Variants in KLRC2 observed in about 807,000 individuals in gnomAD.
KLRC2 encodes the protein NKG2-C type II integral membrane protein.
In KLRC2, 10 loss-of-function variants were observed where a neutral mutation model predicts 25.5. That is an observed-to-expected ratio of 0.39 (90% confidence interval 0.24 to 0.67). KLRC2 has a LOEUF of 0.67. Ranked by LOEUF, KLRC2 falls within the 30% of genes least tolerant of loss-of-function variation. The pLI is 0.45. For synonymous variants in KLRC2, 48 were observed against 93.3 expected (o/e 0.51, Z 2.80); for missense variants, 170 against 272.8 (o/e 0.62, Z 2.65).
chr12:10,431,074 T>A lies in KLRC2; in HGVS notation c.*43A>T, dbSNP rs1271629533. 7.7e-7 allele frequency: 1 copy of A among 1,301,080 alleles called. No individual in the cohort carries two copies. The highest frequency in any genetic ancestry group is 1.3e-5 in the South Asian group (1 of 78,058). 80.6% of individuals were successfully genotyped at this position (1,301,080 alleles called of 1,614,324 possible). On this transcript the variant is annotated 3_prime_UTR_variant, in exon 6 of 6. Coordinates refer to ENST00000381902, the MANE Select transcript of KLRC2 (RefSeq NM_002260.4). ...ATCATAATATTTCTATTTTAAGAAA[T>A]ATAAAATGTATCTGATGCACTGCAA...
At position 10,434,025 on chromosome 12, in the gene KLRC2, A is replaced by T. The variant is rs1366209905; in HGVS notation, c.332-83T>A. On this transcript the variant is annotated intron_variant, in intron 3 of 5. Transcript: ENST00000381902. Reference sequence around the variant, plus strand: ...GTTCACATATTTCAACAGTATAAACATATATGTGCTTAACATATTTACGCA... The same window carrying T: ...GTTCACATATTTCAACAGTATAAACTTATATGTGCTTAACATATTTACGCA... 4.5e-5 allele frequency: 67 copies of T among 1,477,414 alleles called. 12 individuals are homozygous for T. Among genetic ancestry groups the T allele is most frequent in the Non-Finnish European group, 6.1e-5 (67 of 1,096,340 alleles). 91.5% of individuals were successfully genotyped at this position (1,477,414 alleles called of 1,614,324 possible).
At chr12:10,433,624 T>A (rs1247111974) in intron 4 of KLRC2, among the ~76,000 whole-genome samples, 167 bp downstream of exon 4, 1 of 142,516 alleles carries the variant, frequency 7.0e-6, no homozygotes, top group Non-Finnish European at 1.5e-5. Context: ...TAAATGTACA[T>A]TAGCAGTATA....
chr12:10,433,963 T>C, intron 3 of KLRC2, 21 bp from the exon 4 acceptor site: 1 of 1,531,134 alleles, frequency 6.5e-7, no homozygotes, highest in South Asian at 1.2e-5. Context: ...TATGAATTAC[T>C]ATCTAGACCA....
At chr12:10,431,740 C>T (rs545598160) in intron 5 of KLRC2, among the ~76,000 whole-genome samples, 1 of 137,968 alleles carries the variant, frequency 7.2e-6, no homozygotes, top group South Asian at 2.2e-4. Context: ...GAATGCGGCC[C>T]AACACAAATA....
intron 4 of KLRC2, among the ~76,000 whole-genome samples, chr12:10,433,269 G>C (rs1172612773): frequency 7.0e-6 from 1 of 142,010 alleles, no homozygotes; most frequent in Admixed American, 6.9e-5. Context: ...TGGAGGAATT[G>C]CACAAATATC....
At chr12:10,433,680 A>T in intron 4 of KLRC2, 111 bp downstream of exon 4, 1 of 1,144,260 alleles carries the variant, frequency 8.7e-7, no homozygotes, top group Non-Finnish European at 1.2e-6. Context: ...TATTACATAC[A>T]CTTGAAAATA....
rs370278796 is a variant in KLRC2 at position 10,431,284 on chromosome 12, C to T, written c.585-56G>A. 1.8e-5 allele frequency: 27 copies of T among 1,501,668 alleles called. 5 individuals carry two copies. The highest frequency in any genetic ancestry group is 1.5e-4 in the East Asian group (6 of 40,168). The allele number at this position is 1,501,668 out of a possible 1,614,324, so 93.0% of individuals were successfully genotyped here. A position where few individuals can be genotyped will look rare whatever the true frequency, so the allele number is the denominator to read the frequency against. On this transcript the variant is annotated intron_variant, in intron 5 of 5. Coordinates refer to ENST00000381902, the MANE Select transcript of KLRC2 (RefSeq NM_002260.4). ...CATTTTAAGCAAATGATTCATGAGA[C>T]GAAAGCATTTTCCATGTACTGTAAG... is the stretch of plus-strand genomic sequence containing the variant.
At position 10,432,199 on chromosome 12, in the gene KLRC2, A is replaced by C. The variant is rs1458432436; in HGVS notation, c.491T>G (p.Leu164Arg). ...CCATGAGGAAGGTAAAATGCTGGCCAGAAATTTCTAAAAGAAAAGAAATAA... is the reference window on the plus strand; with the variant it reads ...CCATGAGGAAGGTAAAATGCTGGCCCGAAATTTCTAAAAGAAAAGAAATAA... The part of the protein sequence containing the change: ...SIDNEEEMKF[L>R]ASILPSSWIG... Residue 164 changes from leucine (L) to arginine (R), a missense_variant, in exon 5 of 6, where the codon CTG becomes CGG. By Grantham distance (102) the Leu-to-Arg change is moderately radical. Coordinates refer to ENST00000381902, the MANE Select transcript of KLRC2 (RefSeq NM_002260.4). 7.1e-7 allele frequency: 1 copy of C among 1,410,466 alleles called. No homozygotes were observed. The highest frequency in any genetic ancestry group is 2.1e-5 in the Admixed American group (1 of 47,864). The allele number at this position is 1,410,466 out of a possible 1,614,324, so 87.4% of individuals were successfully genotyped here. A position where few individuals can be genotyped will look rare whatever the true frequency, so the allele number is the denominator to read the frequency against.
chr12:10,433,929 G>A lies in KLRC2; in HGVS notation c.345C>T (p.Gly115=), dbSNP rs1863842252. The change falls in exon 4 of 6, where the codon GGC becomes GGT. Residue 115 remains glycine, a synonymous_variant. Coordinates refer to ENST00000381902, the MANE Select transcript of KLRC2 (RefSeq NM_002260.4). ...ATGTAATCCACTCCTCAGGACAATG[G>A]CCACAATGACGTGCTAATAAAGATA... ...NTRTQKARHC[G]HCPEEWITYS... The A allele has an allele frequency of 6.5e-7, 1 of 1,546,894 alleles. No homozygotes were observed. The highest frequency in any genetic ancestry group is 8.8e-7 in the Non-Finnish European group (1 of 1,134,872).
chr12:10,435,983 T>C lies in KLRC2; in HGVS notation c.4A>G (p.Asn2Asp). The C allele has an allele frequency of 6.2e-7, 1 of 1,607,438 alleles. No homozygotes were observed. Among genetic ancestry groups the C allele is most frequent in the Non-Finnish European group, 8.5e-7 (1 of 1,177,038 alleles). M[N>D]KQRGTFSEVS... is the part of the protein sequence containing the mutation. ...TCTGAGAAGGTTCCTCTTTGTTTATTCATCTCTGCAGCTGTGTGATGTGAG... is the reference window on the plus strand; with the variant it reads ...TCTGAGAAGGTTCCTCTTTGTTTATCCATCTCTGCAGCTGTGTGATGTGAG... The change falls in exon 1 of 6, where the codon AAT becomes GAT. Residue 2 changes from asparagine to aspartate, a missense_variant. By Grantham distance (23) the Asn-to-Asp change is conservative (BLOSUM62 1). Transcript: ENST00000381902.
chr12:10,431,337 A>G lies in KLRC2; in HGVS notation c.585-109T>C, dbSNP rs778800439. 14 of 1,311,840 alleles carry G rather than the reference A, an allele frequency of 1.1e-5. 2 individuals are homozygous for G. The East Asian group carries it at 3.7e-4, about 35-fold the overall frequency. 81.3% of individuals were successfully genotyped at this position (1,311,840 alleles called of 1,614,324 possible). A position where few individuals can be genotyped will look rare whatever the true frequency, so the allele number is the denominator to read the frequency against. ...AAGAATTTCATGGAAAAGGGTAATT[A>G]AATTTTTCATAATATTAGTAAGAGT... is the stretch of plus-strand genomic sequence containing the variant. On this transcript the variant is annotated intron_variant, in intron 5 of 5. Transcript: ENST00000381902.
chr12:10,431,999 C>G (rs1298859075), intron 5 of KLRC2, 107 bp downstream of exon 5: 1 of 980,606 alleles, frequency 1.0e-6, no homozygotes, highest in Non-Finnish European at 1.4e-6. Flanking sequence ...CACTAACTTT[C>G]CACATCTTTC....
intron 4 of KLRC2, among the ~76,000 whole-genome samples, chr12:10,433,216 T>C (rs1203722204): frequency 7.0e-6 from 1 of 141,980 alleles, no homozygotes; most frequent in Non-Finnish European, 1.5e-5. Flanking sequence ...TTGTACATAG[T>C]ACAGCAGTGA....
intron 5 of KLRC2, 44 bp from the exon 6 acceptor site, chr12:10,431,272 T>C (rs543402100): frequency 6.6e-7 from 1 of 1,514,368 alleles, no homozygotes; most frequent in African/African-American, 1.5e-5. Flanking sequence ...TTTAAGCAAA[T>C]GATTCATGAG....
chr12:10,434,881 A>G, intron 2 of KLRC2: 1 of 339,846 alleles, frequency 2.9e-6, no homozygotes. Context: ...ACAAAAAATA[A>G]ACACATGTTC....
rs1863863157 is a variant in KLRC2, at chr12:10,435,782, A to G, written c.187+18T>C. On this transcript the variant is annotated intron_variant, in intron 1 of 5. Coordinates refer to ENST00000381902, the MANE Select transcript of KLRC2 (RefSeq NM_002260.4). Reference sequence around the variant, plus strand: ...ACATCCTAGAACAATAATATTGAAGATATATTTAATGTTTTACCTTGGCAG... The same window carrying G: ...ACATCCTAGAACAATAATATTGAAGGTATATTTAATGTTTTACCTTGGCAG... 6.5e-7 allele frequency: 1 copy of G among 1,539,392 alleles called. No individual in the cohort carries two copies. Among genetic ancestry groups the G allele is most frequent in the Admixed American group, 1.7e-5 (1 of 58,540 alleles).
At chr12:10,432,057 T>C in intron 5 of KLRC2, 49 bp downstream of exon 5, 2 of 1,294,038 alleles carry the variant, frequency 1.5e-6, no homozygotes, top group South Asian at 1.3e-5. Context: ...TTCTTCTGAA[T>C]TTATCCTTTA....
Position 10,434,268 on chromosome 12 carries a change from C to A in KLRC2, c.331+218G>T. 3.4e-6 allele frequency: 2 copies of A among 583,284 alleles called. 1 individual carries two copies. The highest frequency in any genetic ancestry group is 6.4e-6 in the Non-Finnish European group (2 of 313,462). The allele number at this position is 583,284 out of a possible 1,614,324, so 36.1% of individuals were successfully genotyped here. On this transcript the variant is annotated intron_variant, in intron 3 of 5. Coordinates refer to ENST00000381902, the MANE Select transcript of KLRC2 (RefSeq NM_002260.4). Reference sequence around the variant, plus strand: ...GGTATCATCTCACAGCAGTAGGAAACCTCTGTTAATTGGGAGAAAGAGGGT... The same window carrying A: ...GGTATCATCTCACAGCAGTAGGAAAACTCTGTTAATTGGGAGAAAGAGGGT...
At chr12:10,432,660 C>T (rs1247206380) in intron 4 of KLRC2, among the ~76,000 whole-genome samples, 1 of 137,408 alleles carries the variant, frequency 7.3e-6, no homozygotes, top group Non-Finnish European at 1.6e-5. Context: ...TTATCCGATT[C>T]GGTTTTTGCG....
Sources: allele counts gnomAD v4.1 joint callset (sites outside exome capture counted in the v4.1 genomes callset), GRCh38; gene constraint gnomAD v4.1.1; transcripts MANE v1.5; gene names NCBI Gene and HGNC (gene_info 2026-07-23, HGNC 2026-07-21).